The following CACNA1B variants were observed in gnomAD, a reference collection of about 807,000 sequenced individuals.
CACNA1B encodes voltage-dependent N-type calcium channel subunit alpha-1B.
A neutral mutation model predicts 247.2 loss-of-function variants in CACNA1B; 70 were observed. That is an observed-to-expected ratio of 0.28 (90% CI 0.23 to 0.35). The LOEUF (loss-of-function observed/expected upper bound fraction) is 0.35. CACNA1B is among the 10% of genes least tolerant of loss of function. The probability of loss-of-function intolerance (pLI) is 1.00; values close to 1 mark genes in which losing one functional copy is unlikely to be tolerated. For missense variants in CACNA1B, 2,367 were observed against 3,197.4 expected, an observed-to-expected ratio of 0.74 and a Z score of 6.26; for synonymous variants, 1,231 against 1,294.4, an observed-to-expected ratio of 0.95 and a Z score of 1.05.
At position 137,899,124 on chromosome 9, in the gene CACNA1B, G is replaced by C. The variant is rs549370275; in HGVS notation, c.531-14056G>C. Among the ~76,000 whole-genome samples the C allele has an allele frequency of 2.0e-4, 31 of 151,370 alleles. No homozygotes were observed. In the East Asian group the frequency reaches 5.6e-3, roughly 28 times the overall value. On this transcript the variant is annotated intron_variant, in intron 3 of 46. Coordinates refer to ENST00000371372, the MANE Select transcript of CACNA1B (RefSeq NM_000718.4). The surrounding 1 kb of genome is among the most constrained non-coding windows in gnomAD (Gnocchi z 5.0). ...TTTTTGTCAGTTGGAGTCTCTCTCT[G>C]TTGCCCAGGGTGGAGTGCAGTGCTG...
At chr9:137,965,623 G>C (rs1333386704) in intron 10 of CACNA1B, among the ~76,000 whole-genome samples, 1 of 151,152 alleles carries the variant, frequency 6.6e-6, no homozygotes, top group Non-Finnish European at 1.5e-5. Context: ...ATTTAAGACA[G>C]AGTCTAACCC....
rs1302054911 is a variant in CACNA1B at position 137,891,801 on chromosome 9, G to A, written c.530+8918G>A. 1 of 351,108 alleles carries A rather than the reference G, an allele frequency of 2.8e-6. No homozygotes were observed. Among genetic ancestry groups the A allele is most frequent in the Non-Finnish European group, 5.7e-6 (1 of 176,860 alleles). The allele number at this position is 351,108 out of a possible 1,614,324, so 21.7% of individuals were successfully genotyped here. On this transcript the variant is annotated intron_variant, in intron 3 of 46. Coordinates refer to ENST00000371372, the MANE Select transcript of CACNA1B (RefSeq NM_000718.4). This position sits in a 1 kb window ranked among gnomAD's most constrained non-coding sequence, Gnocchi z 4.3. ...GCCTGTGTGCAGCCCCACACGTGCT[G>A]AAGCATCTCTACTCCAGCCAGACGG... is the stretch of plus-strand genomic sequence containing the variant.
At position 137,955,297 on chromosome 9, in the gene CACNA1B, C is replaced by G. The variant is rs1221288235; in HGVS notation, c.1071-401C>G. 1.3e-5 allele frequency among the ~76,000 whole-genome samples: 2 copies of G among 152,192 alleles called. No individual in the cohort carries two copies. Among genetic ancestry groups the G allele is most frequent in the East Asian group, 3.9e-4 (2 of 5,192 alleles). Reference sequence around the variant, plus strand: ...CTCTGGAGAATTCTCGCCAGGAGCTCTCTGGAGGACAGCAGATAACAGAGC... The same window carrying G: ...CTCTGGAGAATTCTCGCCAGGAGCTGTCTGGAGGACAGCAGATAACAGAGC... On this transcript the variant is annotated intron_variant, in intron 7 of 46. Transcript: ENST00000371372. The surrounding 1 kb of genome is among the most constrained non-coding windows in gnomAD (Gnocchi z 6.9).
Position 138,120,341 on chromosome 9 carries a change from G to T in CACNA1B, c.6207G>T (p.Lys2069Asn). 2 of 1,557,784 alleles carry T rather than the reference G, an allele frequency of 1.3e-6. No individual in the cohort carries two copies. The highest frequency in any genetic ancestry group is 1.7e-6 in the Non-Finnish European group (2 of 1,157,552). Residue 2069 changes from lysine (K) to asparagine (N), a missense_variant, in exon 45 of 47, where the codon AAG becomes AAT. Coordinates refer to ENST00000371372, the MANE Select transcript of CACNA1B (RefSeq NM_000718.4). ...RRDRKQRSLE[K>N]GPSLSADMDG... ...ACAGGAAGCAGAGGTCCCTGGAGAA[G>T]GGGCCCAGCCTGTCTGCCGATATGG... is the stretch of plus-strand genomic sequence containing the variant.
intron 35 of CACNA1B, among the ~76,000 whole-genome samples, chr9:138,077,069 G>T (rs890288710): frequency 2.0e-5 from 3 of 152,218 alleles, no homozygotes; most frequent in African/African-American, 7.2e-5. Flanking sequence ...TGAGGCCTTT[G>T]GTCTCACAGC....
At chr9:137,896,317 TC>T (rs1392675742) in intron 3 of CACNA1B, among the ~76,000 whole-genome samples, 3 of 152,108 alleles carry the variant, frequency 2.0e-5, no homozygotes, top group Non-Finnish European at 4.4e-5. Context: ...TTCCCTCTGT[TC>T]CAGTTTTCCA....
At chr9:137,985,909 C>T (rs565110522) in intron 13 of CACNA1B, among the ~76,000 whole-genome samples, 11 of 152,360 alleles carry the variant, frequency 7.2e-5, no homozygotes, top group Admixed American at 3.9e-4. Context: ...TCCCTTGTCC[C>T]TGGTGAGGGG....
In CACNA1B at chr9:137,913,350, G is replaced by A. The variant is rs1957378499; in HGVS notation, c.622+79G>A. The A allele has an allele frequency of 1.8e-6, 2 of 1,140,308 alleles. No individual in the cohort carries two copies. The highest frequency in any genetic ancestry group is 2.0e-5 in the Admixed American group (1 of 51,180). The allele number at this position is 1,140,308 out of a possible 1,614,324, so 70.6% of individuals were successfully genotyped here. A position where few individuals can be genotyped will look rare whatever the true frequency, so the allele number is the denominator to read the frequency against. ...TACCCTCACCACGGACATGGCCATG[G>A]CCATGGTTTGGCTTTGGTGACTCTG... On this transcript the variant is annotated intron_variant, in intron 4 of 46. Coordinates refer to ENST00000371372, the MANE Select transcript of CACNA1B (RefSeq NM_000718.4). The surrounding 1 kb of genome is among the most constrained non-coding windows in gnomAD (Gnocchi z 5.2).
chr9:138,101,733 C>T (rs918181318), intron 37 of CACNA1B, among the ~76,000 whole-genome samples: 3 of 152,244 alleles, frequency 2.0e-5, no homozygotes, highest in Non-Finnish European at 4.4e-5. Context: ...GCCAAGGAGC[C>T]CCTGGTCTGG....
chr9:138,089,133 G>A (rs1960799415), intron 36 of CACNA1B, among the ~76,000 whole-genome samples: 1 of 151,934 alleles, frequency 6.6e-6, no homozygotes, highest in Admixed American at 6.6e-5. Flanking sequence ...TACAAGACTA[G>A]CATTACCCTA....
At chr9:137,906,679 T>C (rs1176851484) in intron 3 of CACNA1B, among the ~76,000 whole-genome samples, 3 of 152,228 alleles carry the variant, frequency 2.0e-5, no homozygotes, top group South Asian at 2.1e-4. Context: ...CATGCCCATG[T>C]GATGTCTTAT....
intron 6 of CACNA1B, among the ~76,000 whole-genome samples, chr9:137,937,642 T>C (rs1277039223): frequency 3.9e-5 from 6 of 152,126 alleles, no homozygotes; most frequent in Admixed American, 3.9e-4. Context: ...GTCATCATAT[T>C]ATCTAAAGTT....
intron 6 of CACNA1B, among the ~76,000 whole-genome samples, chr9:137,928,978 T>C (rs1271992015): frequency 6.6e-6 from 1 of 152,256 alleles, no homozygotes; most frequent in African/African-American, 2.4e-5. Context: ...ATTTTATTTA[T>C]ATTTCATGAG....
chr9:137,936,971 T>C (rs897410773), intron 6 of CACNA1B, among the ~76,000 whole-genome samples: 2 of 152,234 alleles, frequency 1.3e-5, no homozygotes, highest in Admixed American at 6.5e-5. Flanking sequence ...GGGCTCTTTT[T>C]TTGGTTCCAT....
chr9:138,016,185 G>C (rs1263029517), intron 18 of CACNA1B, among the ~76,000 whole-genome samples: 1 of 152,038 alleles, frequency 6.6e-6, no homozygotes, highest in East Asian at 1.9e-4. Context: ...CACACACACA[G>C]TGTCACACTC....
In CACNA1B at chr9:137,879,218, T is replaced by C. The variant is rs541148066; in HGVS notation, c.390+59T>C. The C allele has an allele frequency of 2.6e-4, 283 of 1,108,796 alleles. 1 individual carries two copies. In the African/African-American group the frequency reaches 3.9e-3, roughly 15 times the overall value. The allele number at this position is 1,108,796 out of a possible 1,614,324, so 68.7% of individuals were successfully genotyped here. A position where few individuals can be genotyped will look rare whatever the true frequency, so the allele number is the denominator to read the frequency against. ...TGGGGAGGCCGCGACTCCACTTTCC[T>C]TTATGGTCTGTGCCTGAGAACAGCT... On this transcript the variant is annotated intron_variant, in intron 2 of 46. Transcript: ENST00000371372.
chr9:137,955,951 G>A lies in CACNA1B; in HGVS notation c.1186+138G>A. ...GATTTTGTAGTGAGCAGAGTGAGAA[G>A]GGATTTCTCTCTAGCTCACCCAGGG... On this transcript the variant is annotated intron_variant, in intron 8 of 46. Transcript: ENST00000371372. The surrounding 1 kb of genome is among the most constrained non-coding windows in gnomAD (Gnocchi z 6.9). 1.5e-6 allele frequency: 1 copy of A among 677,270 alleles called. No homozygotes were observed. Among genetic ancestry groups the A allele is most frequent in the Non-Finnish European group, 2.6e-6 (1 of 381,066 alleles). The allele number at this position is 677,270 out of a possible 1,614,324, so 42.0% of individuals were successfully genotyped here.
At chr9:138,061,840 C>T (rs1049173159) in intron 31 of CACNA1B, among the ~76,000 whole-genome samples, 5 of 152,228 alleles carry the variant, frequency 3.3e-5, no homozygotes, top group Non-Finnish European at 7.3e-5. Context: ...AGGCATGGCA[C>T]CAGATGGAAG....
In CACNA1B at chr9:137,882,624, G is replaced by C; in HGVS notation, c.391-120G>C. The C allele has an allele frequency of 3.4e-6, 4 of 1,165,184 alleles. No individual in the cohort carries two copies. Among genetic ancestry groups the C allele is most frequent in the Non-Finnish European group, 3.7e-6 (3 of 808,426 alleles). The allele number at this position is 1,165,184 out of a possible 1,614,324, so 72.2% of individuals were successfully genotyped here. A position where few individuals can be genotyped will look rare whatever the true frequency, so the allele number is the denominator to read the frequency against. On this transcript the variant is annotated intron_variant, in intron 2 of 46. Transcript: ENST00000371372. The surrounding 1 kb of genome is among the most constrained non-coding windows in gnomAD (Gnocchi z 4.0). Reference sequence around the variant, plus strand: ...GGGTGTTGGGGGCAAGGTGAGGAGGGTCAGACCCTCACGATAGCTGTGGCC... The same window carrying C: ...GGGTGTTGGGGGCAAGGTGAGGAGGCTCAGACCCTCACGATAGCTGTGGCC...
Sources: allele counts gnomAD v4.1 joint callset (sites outside exome capture counted in the v4.1 genomes callset), GRCh38; gene constraint gnomAD v4.1.1; non-coding constraint Gnocchi (gnomAD v3.1); transcripts MANE v1.5; gene names NCBI Gene and HGNC (gene_info 2026-07-23, HGNC 2026-07-21).